Variants in BLVRA observed in about 807,000 individuals in gnomAD.
The protein encoded by BLVRA is biliverdin reductase A.
BLVRA carries 22 observed loss-of-function variants against 32.8 expected under a neutral mutation model. That is an observed-to-expected ratio of 0.67 (90% CI 0.48 to 0.96). BLVRA has a LOEUF of 0.96. BLVRA is among the 40% of genes least tolerant of loss of function. BLVRA has a pLI of 0.00. For missense variants in BLVRA, 323 were observed against 358.1 expected (o/e 0.90, Z 0.79); for synonymous variants, 119 against 141.3 (o/e 0.84, Z 1.12).
intron 3 of BLVRA, among the ~76,000 whole-genome samples, chr7:43,788,948 T>C (rs1380414975): frequency 6.6e-6 from 1 of 151,942 alleles, no homozygotes; most frequent in Non-Finnish European, 1.5e-5. Context: ...CTCCCCCTTT[T>C]CTTTAAGGAT....
intron 6 of BLVRA, among the ~76,000 whole-genome samples, chr7:43,800,959 GTATT>G (rs1048807510): frequency 4.6e-5 from 7 of 151,936 alleles, no homozygotes; most frequent in Non-Finnish European, 8.8e-5. Context: ...AGCAACCACA[GTATT>G]TATTTATTTA....
At chr7:43,769,864 C>T (rs914474042) in intron 1 of BLVRA, among the ~76,000 whole-genome samples, 5 of 152,188 alleles carry the variant, frequency 3.3e-5, no homozygotes, top group African/African-American at 7.2e-5. Flanking sequence ...CTTCCTTGTC[C>T]TCCCAAAGTA....
intron 1 of BLVRA, chr7:43,760,208 C>T (rs1331216294): frequency 6.6e-6 from 1 of 151,944 alleles, no homozygotes; most frequent in Admixed American, 6.6e-5. Flanking sequence ...ATTCTTTGTA[C>T]CCCCTGCCTA....
chr7:43,779,594 C>T (rs1186831079), intron 2 of BLVRA, among the ~76,000 whole-genome samples: 1 of 152,246 alleles, frequency 6.6e-6, no homozygotes, highest in Non-Finnish European at 1.5e-5. Flanking sequence ...TTGGGGCTGA[C>T]TTCTGGTAAC....
At chr7:43,788,864 C>T (rs1362658954) in intron 3 of BLVRA, among the ~76,000 whole-genome samples, 1 of 150,842 alleles carries the variant, frequency 6.6e-6, no homozygotes, top group Non-Finnish European at 1.5e-5. Flanking sequence ...GTCTCAAACT[C>T]CTGGGGTCAA....
chr7:43,765,567 A>C (rs1262293183), intron 1 of BLVRA, among the ~76,000 whole-genome samples: 1 of 152,090 alleles, frequency 6.6e-6, no homozygotes, highest in Non-Finnish European at 1.5e-5. Flanking sequence ...ATTTATTTTT[A>C]AATTGGCTGC....
intron 5 of BLVRA, among the ~76,000 whole-genome samples, chr7:43,795,140 G>A (rs1270080056): frequency 6.6e-6 from 1 of 152,212 alleles, no homozygotes; most frequent in Non-Finnish European, 1.5e-5. Flanking sequence ...GAACCCAGGA[G>A]GTGGAGGTTG....
intron 1 of BLVRA, among the ~76,000 whole-genome samples, chr7:43,765,531 C>T (rs1016129110): frequency 8.1e-4 from 123 of 152,278 alleles, no homozygotes; most frequent in African/African-American, 2.7e-3. Context: ...GGATTACAGC[C>T]GTGAGCCTCC....
At chr7:43,780,670 A>C (rs1305878421) in intron 2 of BLVRA, among the ~76,000 whole-genome samples, 3 of 152,142 alleles carry the variant, frequency 2.0e-5, no homozygotes, top group Admixed American at 2.0e-4. Context: ...CCAGTTCCTG[A>C]CACATTGCCT....
At chr7:43,781,170 A>T (rs1474942124) in intron 2 of BLVRA, among the ~76,000 whole-genome samples, 1 of 152,182 alleles carries the variant, frequency 6.6e-6, no homozygotes, top group African/African-American at 2.4e-5. Flanking sequence ...TATATGCAGT[A>T]AAACTGCCTC....
At chr7:43,775,156 G>A (rs1353656818) in intron 2 of BLVRA, among the ~76,000 whole-genome samples, 1 of 151,946 alleles carries the variant, frequency 6.6e-6, no homozygotes, top group South Asian at 2.1e-4. Context: ...GATTGCCCTG[G>A]CCAGAACTTC....
intron 2 of BLVRA, among the ~76,000 whole-genome samples, chr7:43,783,183 GA>G (rs996808561): frequency 6.6e-6 from 1 of 151,236 alleles, no homozygotes; most frequent in Non-Finnish European, 1.5e-5. Flanking sequence ...CTTTAAAGAG[GA>G]AAAAAAGAAA....
intron 1 of BLVRA, among the ~76,000 whole-genome samples, chr7:43,767,068 G>A (rs192565938): frequency 2.1e-4 from 32 of 152,264 alleles, no homozygotes; most frequent in Non-Finnish European, 1.8e-4. Flanking sequence ...CCCAGTGTAC[G>A]AGTTCCATTT....
intron 7 of BLVRA, among the ~76,000 whole-genome samples, chr7:43,804,694 C>T (rs371610261): frequency 2.9e-4 from 44 of 152,286 alleles, no homozygotes; most frequent in African/African-American, 9.9e-4. Context: ...TCACACTGTT[C>T]CCAAAACATT....
chr7:43,793,924 C>G, intron 5 of BLVRA, among the ~76,000 whole-genome samples: 1 of 143,728 alleles, frequency 7.0e-6, no homozygotes, highest in South Asian at 2.3e-4. Context: ...GCCCGGCATA[C>G]AAAATTTTTA....
chr7:43,769,735 G>T (rs1309916135), intron 1 of BLVRA, among the ~76,000 whole-genome samples: 1 of 151,990 alleles, frequency 6.6e-6, no homozygotes, highest in Non-Finnish European at 1.5e-5. Context: ...AGCCTCCCGA[G>T]TAGGTGGGAA....
chr7:43,798,065 G>A (rs2095794638), intron 5 of BLVRA, among the ~76,000 whole-genome samples: 1 of 151,624 alleles, frequency 6.6e-6, no homozygotes, highest in African/African-American at 2.4e-5. Context: ...CATGATGTGG[G>A]CACCTGTAAT....
chr7:43,788,918 C>T lies in BLVRA; in HGVS notation c.134+893C>T, dbSNP rs373870153. Reference sequence around the variant, plus strand: ...CCTCCCAAAGTGCTGAGATTATAGGCGTGAGCCAGTGCACCCAGCCTCCCC... The same window carrying T: ...CCTCCCAAAGTGCTGAGATTATAGGTGTGAGCCAGTGCACCCAGCCTCCCC... On this transcript the variant is annotated intron_variant, in intron 3 of 7. Transcript: ENST00000265523. Among the ~76,000 whole-genome samples, 6 of 151,658 alleles carry T rather than the reference C, an allele frequency of 4.0e-5. No homozygotes were observed. In the East Asian group the frequency reaches 5.8e-4, roughly 15 times the overall value.
chr7:43,776,891 A>T (rs1038577686), intron 2 of BLVRA, among the ~76,000 whole-genome samples: 1 of 152,204 alleles, frequency 6.6e-6, no homozygotes, highest in Admixed American at 6.5e-5. Flanking sequence ...CTTTATCATT[A>T]TGTAATGGCC....
Sources: allele counts gnomAD v4.1 joint callset (sites outside exome capture counted in the v4.1 genomes callset), GRCh38; gene constraint gnomAD v4.1.1; transcripts MANE v1.5; gene names NCBI Gene and HGNC (gene_info 2026-07-23, HGNC 2026-07-21).